The following SLC27A2 variants were observed in gnomAD, a reference collection of about 807,000 sequenced individuals.
The protein encoded by SLC27A2 is solute carrier family 27 member 2.
Under a neutral mutation model 60.0 loss-of-function variants are expected in SLC27A2, and 54 were observed. The ratio of observed to expected loss-of-function variants is 0.90; its 90% CI spans 0.72 to 1.13. The LOEUF is 1.13. Ranked by LOEUF, SLC27A2 falls within the 50% of genes most tolerant of loss-of-function variation. The pLI is 0.00. For missense variants in SLC27A2, 739 were observed against 777.6 expected, an observed-to-expected ratio of 0.95 and a Z score of 0.59; for synonymous variants, 297 against 297.6, an observed-to-expected ratio of 1.00 and a Z score of 0.02.
At chr15:50,197,329 A>T (rs892453323) in intron 1 of SLC27A2, among the ~76,000 whole-genome samples, 171 bp from the exon 2 acceptor site, 1 of 152,192 alleles carries the variant, frequency 6.6e-6, no homozygotes. Context: ...CCCCATCTCC[A>T]TTAAAATAAT....
At chr15:50,223,269 T>C in intron 5 of SLC27A2, 110 bp downstream of exon 5, 1 of 724,502 alleles carries the variant, frequency 1.4e-6, no homozygotes, top group Non-Finnish European at 2.2e-6. Flanking sequence ...ATCAGAGCCA[T>C]GGCCCATTCC....
intron 1 of SLC27A2, among the ~76,000 whole-genome samples, chr15:50,186,283 T>G (rs1218309439): frequency 1.3e-5 from 2 of 152,048 alleles, no homozygotes; most frequent in South Asian, 4.1e-4. Flanking sequence ...TCCCCAAAAA[T>G]GCTGATTCAG....
At chr15:50,183,264 A>C (rs1411024633) in intron 1 of SLC27A2, among the ~76,000 whole-genome samples, 2 of 152,204 alleles carry the variant, frequency 1.3e-5, no homozygotes, top group Non-Finnish European at 2.9e-5. Context: ...CAATACTTAT[A>C]ACATCTGCAT....
In SLC27A2 at chr15:50,205,226, G is replaced by T; in HGVS notation, c.848-13G>T. 1 of 1,592,504 alleles carries T rather than the reference G, an allele frequency of 6.3e-7. No homozygotes were observed. Among genetic ancestry groups the T allele is most frequent in the East Asian group, 2.2e-5 (1 of 44,516 alleles). On this transcript the variant is annotated splice_polypyrimidine_tract_variant and intron_variant, in intron 3 of 9. Coordinates refer to ENST00000267842, the MANE Select transcript of SLC27A2 (RefSeq NM_003645.4). ...CCATTTCTTTCTTGACACTTTCTGT[G>T]CTTTCTCTGTAGGTGCTACTCTTGC...
At chr15:50,208,273 T>A (rs914382517) in intron 4 of SLC27A2, among the ~76,000 whole-genome samples, 1 of 152,234 alleles carries the variant, frequency 6.6e-6, no homozygotes, top group Non-Finnish European at 1.5e-5. Context: ...AGTAGAGCAG[T>A]GGGCTATGGA....
intron 4 of SLC27A2, among the ~76,000 whole-genome samples, chr15:50,205,819 C>A (rs1460154162): frequency 6.6e-6 from 1 of 152,172 alleles, no homozygotes; most frequent in Non-Finnish European, 1.5e-5. Context: ...GCTGTAATAT[C>A]TTTGATGGCT....
At chr15:50,206,282 G>A (rs2045111278) in intron 4 of SLC27A2, among the ~76,000 whole-genome samples, 1 of 151,970 alleles carries the variant, frequency 6.6e-6, no homozygotes, top group Admixed American at 6.6e-5. Context: ...CTCTTGGCAG[G>A]GAAATGCTAA....
At chr15:50,202,075 G>A (rs1292031456) in intron 2 of SLC27A2, among the ~76,000 whole-genome samples, 1 of 152,114 alleles carries the variant, frequency 6.6e-6, no homozygotes, top group Non-Finnish European at 1.5e-5. Context: ...AAATTCAATG[G>A]ACAGTCATTC....
Position 50,223,016 on chromosome 15 carries a change from CGAG to C in SLC27A2, c.1028_1030del (p.Gly343del), listed in dbSNP as rs1163264076. 1 of 1,613,512 alleles carries C rather than the reference CGAG, an allele frequency of 6.2e-7. No homozygotes were observed. Among genetic ancestry groups the C allele is most frequent in the Non-Finnish European group, 8.5e-7 (1 of 1,179,742 alleles). On this transcript the variant is annotated inframe_deletion, in exon 5 of 10. Transcript: ENST00000267842. ...GAGACTGGCACTGGGAAATGGCTTA[CGAG>C]GAGATGTGTGGAGACAATTTGTCAA...
chr15:50,206,613 T>G (rs1275797718), intron 4 of SLC27A2, among the ~76,000 whole-genome samples: 1 of 152,148 alleles, frequency 6.6e-6, no homozygotes, highest in Non-Finnish European at 1.5e-5. Context: ...AGCTTGTCAC[T>G]GCATTTCATG....
At chr15:50,217,582 G>GC (rs957114318) in intron 4 of SLC27A2, among the ~76,000 whole-genome samples, 6 of 152,102 alleles carry the variant, frequency 3.9e-5, no homozygotes, top group Admixed American at 6.6e-5. Context: ...TGGGCTCACT[G>GC]CCTCGTCAAC....
Position 50,227,119 on chromosome 15 carries a change from C to T in SLC27A2, c.1398C>T (p.Leu466=), listed in dbSNP as rs763758874. The T allele has an allele frequency of 1.2e-6, 2 of 1,613,982 alleles. No individual in the cohort carries two copies. The highest frequency in any genetic ancestry group is 1.3e-5 in the African/African-American group (1 of 75,008). The part of the protein sequence containing the change: ...KGDLYFNSGD[L]LMVDHENFIY... ...ACCTCTATTTCAACAGTGGAGATCT[C>T]TTAATGGTTGACCATGAAAATTTCA... Residue 466 remains leucine, a synonymous_variant, in exon 7 of 10, where the codon CTC becomes CTT. Coordinates refer to ENST00000267842, the MANE Select transcript of SLC27A2 (RefSeq NM_003645.4).
intron 1 of SLC27A2, among the ~76,000 whole-genome samples, chr15:50,187,258 T>C (rs192914478): frequency 6.6e-6 from 1 of 152,354 alleles, no homozygotes; most frequent in Admixed American, 6.5e-5. Flanking sequence ...CAGGGTATGA[T>C]CTAGGTAATC....
At chr15:50,228,902 A>C in intron 7 of SLC27A2, 43 bp from the exon 8 acceptor site, 71 of 1,378,312 alleles carry the variant, frequency 5.2e-5, no homozygotes, top group Non-Finnish European at 6.3e-5. Context: ...AACCTGGGCC[A>C]GAAACCACCA....
In SLC27A2 at chr15:50,182,716, G is replaced by A; in HGVS notation, c.289G>A (p.Asp97Asn). 6.2e-7 allele frequency: 1 copy of A among 1,613,844 alleles called. No individual in the cohort carries two copies. Among genetic ancestry groups the A allele is most frequent in the Non-Finnish European group, 8.5e-7 (1 of 1,179,942 alleles). ...RSNQVARALH[D>N]HLGLRQGDCV... is the part of the protein sequence containing the mutation. ...CAATCAAGTGGCCCGGGCGCTGCAC[G>A]ACCACCTCGGCCTGCGCCAGGGAGA... Residue 97 changes from aspartate (D) to asparagine (N), a missense_variant, in exon 1 of 10, where the codon GAC becomes AAC. Physicochemically the swap from Asp to Asn is conservative, Grantham distance 23. Transcript: ENST00000267842.
intron 3 of SLC27A2, 99 bp downstream of exon 3, chr15:50,202,744 A>G: frequency 8.1e-7 from 1 of 1,227,550 alleles, no homozygotes; most frequent in Non-Finnish European, 1.2e-6. Flanking sequence ...TCTGCTAGGA[A>G]CAGTTTTCAA....
intron 9 of SLC27A2, among the ~76,000 whole-genome samples, chr15:50,235,159 G>A (rs531126851): frequency 2.6e-5 from 4 of 152,244 alleles, no homozygotes; most frequent in Non-Finnish European, 5.9e-5. Context: ...TAAGATTCCA[G>A]ATATTGTGTG....
At chr15:50,202,772 G>A in intron 3 of SLC27A2, 127 bp downstream of exon 3, 1 of 881,844 alleles carries the variant, frequency 1.1e-6, no homozygotes, top group Non-Finnish European at 1.8e-6. Context: ...TTAACAATAA[G>A]GCAATTTGAA....
rs970178418 is a variant in SLC27A2 at position 50,204,797 on chromosome 15, T to A, written c.848-442T>A. On this transcript the variant is annotated intron_variant, in intron 3 of 9. Transcript: ENST00000267842. ...TATATATATATAAAATACATATATATGTATGTGTGTGTGTATATATATAAT... is the reference window on the plus strand; with the variant it reads ...TATATATATATAAAATACATATATAAGTATGTGTGTGTGTATATATATAAT... Among the ~76,000 whole-genome samples the A allele has an allele frequency of 7.4e-5, 11 of 148,846 alleles. No homozygotes were observed. In the Admixed American group the frequency reaches 7.4e-4, roughly 10 times the overall value.
Sources: gnomAD v4.1 joint callset for allele counts (sites outside exome capture counted in the v4.1 genomes callset) on GRCh38, gnomAD v4.1.1 for gene constraint, MANE v1.5 for transcripts, NCBI Gene and HGNC (gene_info 2026-07-23, HGNC 2026-07-21) for gene names.